The following BMERB1 variants were observed in gnomAD, a reference collection of about 807,000 sequenced individuals.
BMERB1 encodes bMERB domain containing 1, also known as bMERB domain-containing protein 1.
BMERB1 carries 12 observed loss-of-function variants against 23.6 expected under a neutral mutation model. That is an observed-to-expected ratio of 0.51 (90% CI 0.33 to 0.82). BMERB1 has a LOEUF of 0.82. Ranked by LOEUF, BMERB1 falls within the 40% of genes least tolerant of loss-of-function variation. The pLI is 0.03. For synonymous variants in BMERB1, 122 were observed against 96.6 expected (o/e 1.26, Z -1.54); for missense variants, 247 against 255.4 (o/e 0.97, Z 0.22).
rs35139646 is a variant in BMERB1, at chr16:15,561,256, A to ATTTT, written c.231-6702_231-6699dup. On this transcript the variant is annotated intron_variant, in intron 2 of 5. Transcript: ENST00000300006. ...ACAGGTGTGAGCCACCACGCCGGCCATTTTTTTTTTTTTTTTTTTTTTTTT... is the reference window on the plus strand; with the variant it reads ...ACAGGTGTGAGCCACCACGCCGGCCATTTTTTTTTTTTTTTTTTTTTTTTTTTTT... 8.7e-3 allele frequency among the ~76,000 whole-genome samples: 367 copies of ATTTT among 42,244 alleles called. 68 individuals are homozygous for ATTTT. Among genetic ancestry groups the ATTTT allele is most frequent in the African/African-American group, 0.016 (153 of 9,362 alleles). 27.7% of individuals were successfully genotyped at this position (42,244 alleles called of 152,430 possible).
At chr16:15,441,304 A>G (rs2050937218) in intron 1 of BMERB1, among the ~76,000 whole-genome samples, 1 of 151,282 alleles carries the variant, frequency 6.6e-6, no homozygotes, top group Non-Finnish European at 1.5e-5. Context: ...CTGCAGCTTC[A>G]ACCTCCTGGG....
chr16:15,487,683 A>G (rs1209548696), intron 1 of BMERB1, among the ~76,000 whole-genome samples: 2 of 152,234 alleles, frequency 1.3e-5, no homozygotes, highest in Non-Finnish European at 2.9e-5. Context: ...AATGCTTAAC[A>G]GTTTTTTCTA....
At chr16:15,575,276 CT>C (rs1269741586) in intron 3 of BMERB1, among the ~76,000 whole-genome samples, 1 of 152,096 alleles carries the variant, frequency 6.6e-6, no homozygotes, top group East Asian at 1.9e-4. Context: ...TCCTGGGTTT[CT>C]GAAAAACAAC....
At chr16:15,512,586 AG>A (rs2051683567) in intron 1 of BMERB1, among the ~76,000 whole-genome samples, 1 of 152,084 alleles carries the variant, frequency 6.6e-6, no homozygotes, top group African/African-American at 2.4e-5. Flanking sequence ...CTCTACAAAA[AG>A]AAAAAAGAAG....
chr16:15,535,962 A>G (rs2052020957), intron 2 of BMERB1, among the ~76,000 whole-genome samples: 1 of 152,102 alleles, frequency 6.6e-6, no homozygotes, highest in African/African-American at 2.4e-5. Context: ...CTCACCCTTT[A>G]TCACGAGAAC....
At chr16:15,534,146 A>G (rs2051998108) in intron 2 of BMERB1, among the ~76,000 whole-genome samples, 2 of 151,972 alleles carry the variant, frequency 1.3e-5, no homozygotes, top group African/African-American at 4.8e-5. Context: ...AAAGGGTGTC[A>G]TTGATCTCTT....
intron 2 of BMERB1, among the ~76,000 whole-genome samples, chr16:15,535,376 G>A (rs542421125): frequency 1.3e-5 from 2 of 151,180 alleles, no homozygotes; most frequent in Admixed American, 6.6e-5. Context: ...GGCCAGGTGC[G>A]GTGGCTCACG....
chr16:15,454,842 G>A (rs948579255), intron 1 of BMERB1, among the ~76,000 whole-genome samples: 2 of 151,522 alleles, frequency 1.3e-5, no homozygotes, highest in African/African-American at 4.9e-5. Flanking sequence ...ATTGCTGAAA[G>A]ATTGAGCAGG....
intron 1 of BMERB1, among the ~76,000 whole-genome samples, chr16:15,441,669 T>C (rs1239304393): frequency 6.6e-6 from 1 of 152,042 alleles, no homozygotes; most frequent in African/African-American, 2.4e-5. Flanking sequence ...TGAGCCACGA[T>C]GCCCAGCAGC....
chr16:15,514,512 C>G (rs1016516858), intron 1 of BMERB1, among the ~76,000 whole-genome samples: 1 of 152,026 alleles, frequency 6.6e-6, no homozygotes, highest in African/African-American at 2.4e-5. Context: ...AGTTCCCAGC[C>G]AGGCGTGGTG....
intron 2 of BMERB1, among the ~76,000 whole-genome samples, chr16:15,531,372 G>T (rs980326562): frequency 6.6e-6 from 1 of 152,154 alleles, no homozygotes; most frequent in African/African-American, 2.4e-5. Context: ...AGGATTAGAA[G>T]CATGAGCCAC....
chr16:15,543,287 G>A (rs1356294372), intron 2 of BMERB1, among the ~76,000 whole-genome samples: 1 of 152,064 alleles, frequency 6.6e-6, no homozygotes, highest in Non-Finnish European at 1.5e-5. Flanking sequence ...TCTGATTGTG[G>A]AGCCTGGGGT....
chr16:15,559,278 G>A (rs1040883002), intron 2 of BMERB1, among the ~76,000 whole-genome samples: 1 of 152,192 alleles, frequency 6.6e-6, no homozygotes, highest in Non-Finnish European at 1.5e-5. Context: ...CAAAGCAAAT[G>A]GGATTCTGTG....
intron 3 of BMERB1, among the ~76,000 whole-genome samples, chr16:15,574,653 A>G (rs951274814): frequency 6.6e-6 from 1 of 152,042 alleles, no homozygotes; most frequent in African/African-American, 2.4e-5. Context: ...TTGTAAATCA[A>G]TACATTGAGA....
intron 1 of BMERB1, among the ~76,000 whole-genome samples, chr16:15,462,087 A>T (rs1396072145): frequency 1.3e-5 from 2 of 149,592 alleles, no homozygotes; most frequent in African/African-American, 4.9e-5. Context: ...TACTTATCCT[A>T]CACAAAAATT....
In BMERB1 at chr16:15,461,701, T is replaced by C. The variant is rs1444105907; in HGVS notation, c.106+26942T>C. 2.0e-5 allele frequency among the ~76,000 whole-genome samples: 3 copies of C among 151,802 alleles called. No homozygotes were observed. In the East Asian group the frequency reaches 5.8e-4, roughly 29 times the overall value. Reference sequence around the variant, plus strand: ...AGTTTGGGAGGACAAGGCAGGTGGATTGCTTGAACCCAGGAGTTTGAGACC... The same window carrying C: ...AGTTTGGGAGGACAAGGCAGGTGGACTGCTTGAACCCAGGAGTTTGAGACC... On this transcript the variant is annotated intron_variant, in intron 1 of 5. Transcript: ENST00000300006.
At chr16:15,540,137 A>G (rs1171763107) in intron 2 of BMERB1, among the ~76,000 whole-genome samples, 1 of 152,098 alleles carries the variant, frequency 6.6e-6, no homozygotes, top group Non-Finnish European at 1.5e-5. Context: ...ACAGAGTGAG[A>G]CCCTGCTGAA....
At chr16:15,525,449 A>G (rs1020793274) in intron 2 of BMERB1, among the ~76,000 whole-genome samples, 1 of 152,138 alleles carries the variant, frequency 6.6e-6, no homozygotes, top group Non-Finnish European at 1.5e-5. Context: ...CACGCCTGTA[A>G]TTCCAGCACT....
At position 15,588,225 on chromosome 16, in the gene BMERB1, G is replaced by A. The variant is rs1373152322; in HGVS notation, c.*1396G>A. 1 of 152,158 alleles carries A rather than the reference G, an allele frequency of 6.6e-6. No individual in the cohort carries two copies. Among genetic ancestry groups the A allele is most frequent in the Non-Finnish European group, 1.5e-5 (1 of 68,032 alleles). The allele number at this position is 152,158 out of a possible 1,614,324, so 9.4% of individuals were successfully genotyped here. On this transcript the variant is annotated 3_prime_UTR_variant, in exon 6 of 6. Transcript: ENST00000300006. ...ACCACCATCTTCCACATCATTAAAAGCTCTTTGTAAACATTAAACACTCTT... is the reference window on the plus strand; with the variant it reads ...ACCACCATCTTCCACATCATTAAAAACTCTTTGTAAACATTAAACACTCTT...
Sources: allele counts gnomAD v4.1 joint callset (sites outside exome capture counted in the v4.1 genomes callset), GRCh38; gene constraint gnomAD v4.1.1; transcripts MANE v1.5; gene names NCBI Gene and HGNC (gene_info 2026-07-23, HGNC 2026-07-21).